The following RIMS1 variants were observed in gnomAD, a reference collection of about 807,000 sequenced individuals.
RIMS1 encodes the protein regulating synaptic membrane exocytosis protein 1.
RIMS1 carries 83 observed loss-of-function variants against 214.1 expected under a neutral mutation model. The ratio of observed to expected loss-of-function variants is 0.39; its 90% CI spans 0.32 to 0.47. The LOEUF is 0.47. Ranked by LOEUF, RIMS1 falls within the 20% of genes least tolerant of loss-of-function variation. RIMS1 has a pLI of 0.99. For synonymous variants in RIMS1, 793 were observed against 786.8 expected, an observed-to-expected ratio of 1.01 and a Z score of -0.13; for missense variants, 2,050 against 2,161.8, an observed-to-expected ratio of 0.95 and a Z score of 1.03.
At chr6:72,148,385 G>GA (rs968910617) in intron 4 of RIMS1, among the ~76,000 whole-genome samples, 6 of 151,010 alleles carry the variant, frequency 4.0e-5, no homozygotes, top group South Asian at 2.1e-4. Context: ...AAGAGGGGGA[G>GA]AAAAAAAAAG....
At chr6:72,337,102 C>T (rs2096867458) in intron 29 of RIMS1, among the ~76,000 whole-genome samples, 1 of 151,706 alleles carries the variant, frequency 6.6e-6, no homozygotes. Context: ...AAGGGTATGA[C>T]GTAGTAAAGA....
At chr6:72,154,019 T>G (rs770971412) in intron 4 of RIMS1, among the ~76,000 whole-genome samples, 25 of 152,182 alleles carry the variant, frequency 1.6e-4, no homozygotes, top group Non-Finnish European at 3.4e-4. Context: ...AATTATTATC[T>G]TGAATATGCA....
intron 2 of RIMS1, among the ~76,000 whole-genome samples, chr6:72,077,842 T>G (rs924237442): frequency 6.6e-6 from 1 of 152,238 alleles, no homozygotes; most frequent in Non-Finnish European, 1.5e-5. Flanking sequence ...CCCTGGCTTG[T>G]ATCTGGTAAT....
intron 4 of RIMS1, among the ~76,000 whole-genome samples, chr6:72,105,564 A>T (rs1323551974): frequency 1.3e-5 from 2 of 152,168 alleles, no homozygotes; most frequent in Non-Finnish European, 2.9e-5. Flanking sequence ...TTTTTAATTT[A>T]ATTTTATTAT....
intron 4 of RIMS1, among the ~76,000 whole-genome samples, chr6:72,118,001 G>T (rs180695569): frequency 1.3e-5 from 2 of 151,792 alleles, no homozygotes; most frequent in Middle Eastern, 3.4e-3. Flanking sequence ...TATTTAAAAA[G>T]ATATACAAAA....
At chr6:72,340,685 G>A (rs1384288685) in intron 29 of RIMS1, among the ~76,000 whole-genome samples, 2 of 152,010 alleles carry the variant, frequency 1.3e-5, no homozygotes, top group Admixed American at 1.3e-4. Context: ...CGTTTTTGTA[G>A]CCTTGTAGTA....
intron 6 of RIMS1, among the ~76,000 whole-genome samples, chr6:72,220,611 C>A (rs2058066095): frequency 1.3e-5 from 2 of 152,050 alleles, no homozygotes; most frequent in Non-Finnish European, 2.9e-5. Context: ...CAATAAAAAA[C>A]CTTAGTTACT....
At chr6:72,362,838 A>G (rs79944034) in intron 29 of RIMS1, among the ~76,000 whole-genome samples, 1,929 of 152,296 alleles carry the variant, frequency 0.013, 22 homozygotes, top group African/African-American at 0.03. Flanking sequence ...CAGAGAATAT[A>G]GAATTTGGGA....
At chr6:72,198,231 A>G (rs1251371935) in intron 6 of RIMS1, among the ~76,000 whole-genome samples, 1 of 152,138 alleles carries the variant, frequency 6.6e-6, no homozygotes. Context: ...GAATGGGTAA[A>G]GAAAATGTGC....
chr6:72,186,184 T>A (rs541162400), intron 6 of RIMS1, among the ~76,000 whole-genome samples: 12 of 152,302 alleles, frequency 7.9e-5, no homozygotes, highest in African/African-American at 2.9e-4. Flanking sequence ...TACTTGGGGG[T>A]CAACCCCTAA....
chr6:72,117,511 A>C (rs1364859383), intron 4 of RIMS1, among the ~76,000 whole-genome samples: 1 of 152,004 alleles, frequency 6.6e-6, no homozygotes, highest in Non-Finnish European at 1.5e-5. Context: ...CACATGTAAC[A>C]TTCTCCAAGA....
intron 6 of RIMS1, among the ~76,000 whole-genome samples, chr6:72,203,966 AT>A (rs776230831): frequency 6.6e-6 from 1 of 152,210 alleles, no homozygotes; most frequent in Non-Finnish European, 1.5e-5. Context: ...AAAAAGTTGA[AT>A]ATTAATTTGA....
At chr6:72,010,251 C>T (rs1316455237) in intron 2 of RIMS1, among the ~76,000 whole-genome samples, 1 of 152,128 alleles carries the variant, frequency 6.6e-6, no homozygotes, top group Non-Finnish European at 1.5e-5. Flanking sequence ...TCAATAGATG[C>T]AGAAAAGTCC....
intron 1 of RIMS1, among the ~76,000 whole-genome samples, chr6:71,962,074 T>G (rs1793111619): frequency 6.6e-6 from 1 of 152,120 alleles, no homozygotes; most frequent in Non-Finnish European, 1.5e-5. Context: ...GCCAAAATCT[T>G]GGAGACAATA....
intron 6 of RIMS1, chr6:72,212,786 C>G (rs1589192531): frequency 9.8e-7 from 1 of 1,016,514 alleles, no homozygotes; most frequent in South Asian, 4.3e-5. Context: ...TAAAACCCAA[C>G]AGAGATGCCA....
At position 72,284,049 on chromosome 6, in the gene RIMS1, A is replaced by G; in HGVS notation, c.3485A>G (p.His1162Arg). 6.2e-7 allele frequency: 1 copy of G among 1,612,002 alleles called. No individual in the cohort carries two copies. Among genetic ancestry groups the G allele is most frequent in the South Asian group, 1.1e-5 (1 of 91,042 alleles). Residue 1162 changes from histidine to arginine, a missense_variant and splice_region_variant, in exon 24 of 34, where the codon CAC (histidine) becomes CGC (arginine). Physicochemically the swap from His to Arg is conservative, Grantham distance 29. Around this residue, in one of 6 missense-constraint regions of RIMS1, gnomAD observed 889 missense variants for 885.5 expected, o/e 1.00. Transcript: ENST00000521978. ...IQHASPENDR[H>R]SRKSERSSIQ... Reference sequence around the variant, plus strand: ...GTGTTTAACATTTCATTCCACAGGCACTCCAGAAAGTCTGAAAGATCTAGC... The same window carrying G: ...GTGTTTAACATTTCATTCCACAGGCGCTCCAGAAAGTCTGAAAGATCTAGC...
chr6:72,151,065 C>T (rs550083224), intron 4 of RIMS1, among the ~76,000 whole-genome samples: 5 of 151,650 alleles, frequency 3.3e-5, no homozygotes, highest in African/African-American at 9.7e-5. Flanking sequence ...TTTTTTGAGA[C>T]GGAGTCTCGC....
chr6:72,165,909 C>G (rs2046187551), intron 4 of RIMS1, among the ~76,000 whole-genome samples: 1 of 152,144 alleles, frequency 6.6e-6, no homozygotes, highest in Non-Finnish European at 1.5e-5. Flanking sequence ...GGAACTGGCA[C>G]CTTAACAATA....
In RIMS1 at chr6:72,006,122, C is replaced by T. The variant is rs566541809; in HGVS notation, c.245+37059C>T. On this transcript the variant is annotated intron_variant, in intron 2 of 33. Transcript: ENST00000521978. Reference sequence around the variant, plus strand: ...GTGGAGAGCAGAGAGCGGAAGCAAACTCTCATGTCCATTCTTATCACAGCA... The same window carrying T: ...GTGGAGAGCAGAGAGCGGAAGCAAATTCTCATGTCCATTCTTATCACAGCA... Among the ~76,000 whole-genome samples, 21 of 152,220 alleles carry T rather than the reference C, an allele frequency of 1.4e-4. No homozygotes were observed. In the South Asian group the frequency reaches 3.5e-3, roughly 26 times the overall value.
Sources: gnomAD v4.1 joint callset for allele counts (sites outside exome capture counted in the v4.1 genomes callset) on GRCh38, gnomAD v4.1.1 for gene constraint, gnomAD v4.1.1 regional missense constraint, MANE v1.5 for transcripts, NCBI Gene and HGNC (gene_info 2026-07-23, HGNC 2026-07-21) for gene names.